MGAM: variants seen among roughly 807,000 people sequenced by gnomAD.
The protein encoded by MGAM is maltase-glucoamylase.
In MGAM, 253 loss-of-function variants were observed where a neutral mutation model predicts 358.8. That is an observed-to-expected ratio of 0.71 (90% CI 0.64 to 0.78). The LOEUF (loss-of-function observed/expected upper bound fraction) is 0.78, where lower values mean the gene tolerates loss of function less well. MGAM is among the 30% of genes least tolerant of loss of function. The pLI, the probability that MGAM is intolerant of heterozygous loss-of-function variation, is 0.00. For missense variants in MGAM, 3,080 were observed against 3,432.6 expected, an observed-to-expected ratio of 0.90 and a Z score of 2.57; for synonymous variants, 1,105 against 1,227.1, an observed-to-expected ratio of 0.90 and a Z score of 2.08.
chr7:142,047,905 C>A, intron 22 of MGAM, 32 bp downstream of exon 22: 1 of 1,490,058 alleles, frequency 6.7e-7, no homozygotes. Flanking sequence ...TTGCTGTTTC[C>A]CAACCTGCAC....
At chr7:142,025,188 A>T (rs782639990) in intron 8 of MGAM, 39 bp downstream of exon 8, 21 of 1,439,532 alleles carry the variant, frequency 1.5e-5, no homozygotes, top group Non-Finnish European at 2.0e-5. Flanking sequence ...CACAAGAGTG[A>T]TTTTCAGTCC....
intron 69 of MGAM, 124 bp from the exon 70 acceptor site, chr7:142,103,145 A>C (rs1029706296): frequency 1.2e-5 from 10 of 829,012 alleles, no homozygotes; most frequent in Non-Finnish European, 1.5e-5. Flanking sequence ...TCCATGATCC[A>C]AAGTTACAAG....
At chr7:142,101,694 T>C (rs1388875867) in intron 68 of MGAM, among the ~76,000 whole-genome samples, 5 of 151,132 alleles carry the variant, frequency 3.3e-5, no homozygotes, top group Non-Finnish European at 7.4e-5. Flanking sequence ...TCACCTGAGG[T>C]TGGGAGTTCG....
intron 31 of MGAM, among the ~76,000 whole-genome samples, chr7:142,059,201 A>G (rs1411421830): frequency 1.3e-5 from 2 of 152,200 alleles, no homozygotes; most frequent in African/African-American, 2.4e-5. Context: ...TTTCCAAACC[A>G]GTGTTTTCTC....
At chr7:142,027,388 C>G (rs1480220524) in intron 9 of MGAM, among the ~76,000 whole-genome samples, 161 bp downstream of exon 9, 1 of 152,160 alleles carries the variant, frequency 6.6e-6, no homozygotes, top group South Asian at 2.1e-4. Flanking sequence ...TGCTGTATAG[C>G]ATTTTTATGT....
At chr7:142,051,938 A>G (rs1434442881) in intron 24 of MGAM, among the ~76,000 whole-genome samples, 2 of 152,166 alleles carry the variant, frequency 1.3e-5, no homozygotes, top group African/African-American at 4.8e-5. Context: ...TGGTTTGGGC[A>G]TTGGAGAGCA....
chr7:141,993,546 G>A (rs1232076716), upstream of MGAM, among the ~76,000 whole-genome samples: 2 of 152,156 alleles, frequency 1.3e-5, no homozygotes, highest in Admixed American at 1.3e-4. Context: ...CACAGAGCGG[G>A]GAACTCTGCC....
chr7:142,068,153 A>AT (rs113036100), intron 42 of MGAM, among the ~76,000 whole-genome samples: 59,381 of 125,146 alleles, frequency 0.47, 16,397 homozygotes, highest in Middle Eastern at 0.63. Flanking sequence ...TTCCCGGCTA[A>AT]TTTTTTTTTC....
Position 142,100,880 on chromosome 7 carries a change from G to A in MGAM, c.7953G>A (p.Gly2651=). 6.2e-7 allele frequency: 1 copy of A among 1,612,826 alleles called. No homozygotes were observed. Residue 2651 remains glycine, a synonymous_variant, in exon 68 of 71, where the codon GGG becomes GGA. Transcript: ENST00000475668. ...GGGGCTGGCTCTTCTGGGATGATGG[G>A]CAAAGCATTGGTGAGTAGAGGTTGC... ...TAGGWLFWDD[G]QSIDTYGKGL... is the part of the protein sequence containing the mutation.
intron 68 of MGAM, 131 bp downstream of exon 68, chr7:142,101,021 A>G (rs548735116): frequency 1.1e-5 from 9 of 821,024 alleles, no homozygotes; most frequent in Non-Finnish European, 1.7e-5. Context: ...TGTTAATTCA[A>G]GGGTATAATC....
chr7:142,040,054 A>G lies in MGAM; in HGVS notation c.2317-61A>G. 3 of 1,281,718 alleles carry G rather than the reference A, an allele frequency of 2.3e-6. No homozygotes were observed. The Admixed American group carries it at 5.8e-5, about 25-fold the overall frequency. The allele number at this position is 1,281,718 out of a possible 1,614,324, so 79.4% of individuals were successfully genotyped here. On this transcript the variant is annotated intron_variant, in intron 19 of 70. Transcript: ENST00000475668. ...TCTGTGTATGATTAAGAAATTCCCT[A>G]GAGAATAAAAAGAAATCCATTTTAT... is the stretch of plus-strand genomic sequence containing the variant.
chr7:142,030,712 G>A lies in MGAM; in HGVS notation c.1425G>A (p.Lys475=). Reference sequence around the variant, plus strand: ...CATATGACAGGGGTTCAGATATGAAGATATGGGTGAATAGTTCAGATGGAG... The same window carrying A: ...CATATGACAGGGGTTCAGATATGAAAATATGGGTGAATAGTTCAGATGGAG... ...YGPYDRGSDM[K]IWVNSSDGVT... is the part of the protein sequence containing the mutation. The change falls in exon 12 of 71, where the codon AAG becomes AAA. Residue 475 remains lysine (K), a synonymous_variant. Coordinates refer to ENST00000475668, the MANE Select transcript of MGAM (RefSeq NM_001365693.1). 1 of 1,612,848 alleles carries A rather than the reference G, an allele frequency of 6.2e-7. No individual in the cohort carries two copies. Among genetic ancestry groups the A allele is most frequent in the South Asian group, 1.1e-5 (1 of 91,064 alleles).
rs556167126 is a variant in MGAM at position 142,032,569 on chromosome 7, T to C, written c.1585-256T>C. 3.9e-5 allele frequency among the ~76,000 whole-genome samples: 6 copies of C among 152,252 alleles called. No homozygotes were observed. The South Asian group carries it at 1.2e-3, about 32-fold the overall frequency. On this transcript the variant is annotated intron_variant, in intron 13 of 70. Coordinates refer to ENST00000475668, the MANE Select transcript of MGAM (RefSeq NM_001365693.1). ...AACATGTCATCATATAAATTGAAAC[T>C]TTTTTCACCTGATATGTTTGGGAAT...
intron 21 of MGAM, among the ~76,000 whole-genome samples, chr7:142,042,404 A>G (rs1280454217): frequency 6.4e-5 from 1 of 15,508 alleles, no homozygotes; most frequent in African/African-American, 1.9e-4. Context: ...CATATAATAT[A>G]TAACATATAT....
intron 3 of MGAM, among the ~76,000 whole-genome samples, chr7:142,014,119 A>G (rs1186299077): frequency 6.6e-6 from 1 of 152,226 alleles, no homozygotes; most frequent in Non-Finnish European, 1.5e-5. Flanking sequence ...GAAGGAGGAT[A>G]AGGCCTGAGC....
At chr7:142,067,935 A>AATATATATAT (rs547783903) in intron 42 of MGAM, among the ~76,000 whole-genome samples, 2 of 29,182 alleles carry the variant, frequency 6.9e-5, no homozygotes, top group Non-Finnish European at 8.7e-5. Flanking sequence ...ACCTCCCTCA[A>AATATATATAT]ATATATATAT....
At chr7:142,025,748 A>G (rs1476647126) in intron 8 of MGAM, among the ~76,000 whole-genome samples, 1 of 152,200 alleles carries the variant, frequency 6.6e-6, no homozygotes, top group Non-Finnish European at 1.5e-5. Flanking sequence ...TAATTTTCAT[A>G]TTATTTTATG....
intron 34 of MGAM, among the ~76,000 whole-genome samples, chr7:142,060,923 T>A (rs1402946189): frequency 6.6e-6 from 1 of 152,152 alleles, no homozygotes; most frequent in East Asian, 1.9e-4. Context: ...TACCTGTCAG[T>A]TTCCAGCCTT....
intron 8 of MGAM, 138 bp downstream of exon 8, chr7:142,025,287 G>T (rs540615602): frequency 3.2e-6 from 2 of 625,160 alleles, no homozygotes; most frequent in Admixed American, 3.1e-5. Flanking sequence ...TTCTCTAATT[G>T]TGCTATCCCT....
Sources: allele counts gnomAD v4.1 joint callset (sites outside exome capture counted in the v4.1 genomes callset), GRCh38; gene constraint gnomAD v4.1.1; transcripts MANE v1.5; gene names NCBI Gene and HGNC (gene_info 2026-07-23, HGNC 2026-07-21).